CDRT4: variants seen among roughly 807,000 people sequenced by gnomAD.
CDRT4 encodes the protein CMT1A duplicated region transcript 4, also known as CMT1A duplicated region transcript 4 protein.
For missense variants in CDRT4, 167 were observed against 193.1 expected, an observed-to-expected ratio of 0.87 and a Z score of 0.80; for synonymous variants, 64 against 69.6, an observed-to-expected ratio of 0.92 and a Z score of 0.40.
chr17:15,467,058 C>T (rs77741348), intron 1 of CDRT4, among the ~76,000 whole-genome samples: 1,896 of 152,246 alleles, frequency 0.012, 44 homozygotes, highest in African/African-American at 0.043. Context: ...ACCCATCACC[C>T]CCAGGGGATG....
At chr17:15,444,931 A>C (rs1403886536) in intron 2 of CDRT4, among the ~76,000 whole-genome samples, 2 of 152,200 alleles carry the variant, frequency 1.3e-5, no homozygotes, top group South Asian at 2.1e-4. Context: ...CAGTGGCTTT[A>C]AAGTACAGAG....
chr17:15,465,252 AAC>A (rs756084774), intron 1 of CDRT4, among the ~76,000 whole-genome samples: 2 of 134,148 alleles, frequency 1.5e-5, no homozygotes, highest in Non-Finnish European at 3.1e-5. Flanking sequence ...GACACACACC[AAC>A]ACACACAACA....
At chr17:15,449,739 G>A (rs1979182430) in intron 2 of CDRT4, among the ~76,000 whole-genome samples, 1 of 151,998 alleles carries the variant, frequency 6.6e-6, no homozygotes, top group Non-Finnish European at 1.5e-5. Context: ...AGTCCACAGT[G>A]TCTGTTATCT....
chr17:15,454,938 C>T (rs887258268), intron 1 of CDRT4, among the ~76,000 whole-genome samples: 1 of 152,004 alleles, frequency 6.6e-6, no homozygotes, highest in Non-Finnish European at 1.5e-5. Flanking sequence ...GCTTTGTAAC[C>T]GTTAGCTTTT....
chr17:15,449,620 G>A (rs886375709), intron 2 of CDRT4, among the ~76,000 whole-genome samples: 4 of 152,008 alleles, frequency 2.6e-5, no homozygotes, highest in Non-Finnish European at 5.9e-5. Context: ...GGTATATCGT[G>A]TCATGGTGGG....
chr17:15,440,986 T>C (rs1340717166), intron 2 of CDRT4, among the ~76,000 whole-genome samples: 1 of 152,230 alleles, frequency 6.6e-6, no homozygotes, highest in Non-Finnish European at 1.5e-5. Flanking sequence ...TGGAGATTTG[T>C]AAGGTTATAT....
In CDRT4 at chr17:15,438,152, T is replaced by A; in HGVS notation, c.80A>T (p.Asp27Val). 6.2e-7 allele frequency: 1 copy of A among 1,614,026 alleles called. No homozygotes were observed. Among genetic ancestry groups the A allele is most frequent in the Non-Finnish European group, 8.5e-7 (1 of 1,179,988 alleles). ...ATAGGTGACATAGGCCGGCCAGGGG[T>A]CATGTTTTTCAAGTAGCTTCCGGGG... ...GLPRKLLEKH[D>V]PWPAYVTYTS... The change falls in exon 4 of 4, where the codon GAC becomes GTC. Residue 27 changes from aspartate (D) to valine (V), a missense_variant. Asp to Val is a radical substitution (Grantham distance 152, BLOSUM62 -3). Coordinates refer to ENST00000619038, the MANE Select transcript of CDRT4 (RefSeq NM_001204477.2).
intron 2 of CDRT4, among the ~76,000 whole-genome samples, chr17:15,442,375 A>T (rs1597457366): frequency 3.3e-5 from 5 of 150,968 alleles, no homozygotes; most frequent in Admixed American, 2.7e-4. Context: ...GTGCCACTGC[A>T]CTCCAGCCTG....
intron 2 of CDRT4, among the ~76,000 whole-genome samples, chr17:15,447,353 G>T (rs1979071801): frequency 6.6e-6 from 1 of 152,198 alleles, no homozygotes; most frequent in Admixed American, 6.5e-5. Context: ...AAGAGAAAAT[G>T]GTTATGCTGG....
At chr17:15,438,746 A>G (rs116119493) in intron 3 of CDRT4, among the ~76,000 whole-genome samples, 356 of 152,318 alleles carry the variant, frequency 2.3e-3, no homozygotes, top group African/African-American at 7.9e-3. Context: ...ATTAAAGATA[A>G]CTTATGTTAA....
intron 2 of CDRT4, among the ~76,000 whole-genome samples, chr17:15,444,883 C>T (rs1978947989): frequency 6.6e-6 from 1 of 152,186 alleles, no homozygotes; most frequent in Admixed American, 6.5e-5. Flanking sequence ...ACAACCACCA[C>T]CTGCCAATAC....
intron 1 of CDRT4, among the ~76,000 whole-genome samples, chr17:15,457,425 A>G (rs954572767): frequency 2.0e-5 from 3 of 152,210 alleles, no homozygotes; most frequent in African/African-American, 7.2e-5. Context: ...TGAGACCACA[A>G]CAAACCCTGC....
rs575088643 is a variant in CDRT4, at chr17:15,460,194, T to A, written c.-129-7109A>T. On this transcript the variant is annotated intron_variant, in intron 1 of 3. Coordinates refer to ENST00000619038, the MANE Select transcript of CDRT4 (RefSeq NM_001204477.2). Reference sequence around the variant, plus strand: ...CCTGACACCTCTCTCTCCCACCACATTCAAAACCTGCTTCCCCACTGGCCT... The same window carrying A: ...CCTGACACCTCTCTCTCCCACCACAATCAAAACCTGCTTCCCCACTGGCCT... Among the ~76,000 whole-genome samples, 4 of 152,270 alleles carry A rather than the reference T, an allele frequency of 2.6e-5. No homozygotes were observed. In the South Asian group the frequency reaches 8.3e-4, roughly 32 times the overall value.
At chr17:15,466,387 C>A (rs1980044307) in intron 1 of CDRT4, among the ~76,000 whole-genome samples, 1 of 152,216 alleles carries the variant, frequency 6.6e-6, no homozygotes, top group South Asian at 2.1e-4. Context: ...GAAGGGCTGC[C>A]TCATCTGCAG....
intron 2 of CDRT4, chr17:15,444,069 C>T (rs1978903855): frequency 2.9e-6 from 3 of 1,021,224 alleles, no homozygotes; most frequent in African/African-American, 1.5e-5. Context: ...CAACATTGAG[C>T]TTGTTTCAAA....
Position 15,437,508 on chromosome 17 carries a change from G to C in CDRT4, c.*265C>G. 3 of 514,300 alleles carry C rather than the reference G, an allele frequency of 5.8e-6. No individual in the cohort carries two copies. The highest frequency in any genetic ancestry group is 5.8e-5 in the South Asian group (2 of 34,766). 31.9% of individuals were successfully genotyped at this position (514,300 alleles called of 1,614,324 possible). A position where few individuals can be genotyped will look rare whatever the true frequency, so the allele number is the denominator to read the frequency against. The stretch of plus-strand genomic sequence containing the variant: ...GACCCAGACAAATCACCCACATTTT[G>C]GTCCTGAGAATCTGCAGCAGAGACT... On this transcript the variant is annotated 3_prime_UTR_variant, in exon 4 of 4. Transcript: ENST00000619038.
At chr17:15,466,963 T>C (rs1488015367) in intron 1 of CDRT4, among the ~76,000 whole-genome samples, 1 of 152,230 alleles carries the variant, frequency 6.6e-6, no homozygotes, top group Non-Finnish European at 1.5e-5. Flanking sequence ...TAAAGGTATT[T>C]ACCAGTTCTG....
chr17:15,466,586 A>G (rs1423816714), intron 1 of CDRT4, among the ~76,000 whole-genome samples: 2 of 152,102 alleles, frequency 1.3e-5, no homozygotes, highest in Non-Finnish European at 2.9e-5. Context: ...GTGCAGTGGC[A>G]CGATCATGGC....
chr17:15,461,368 A>C (rs933781216), intron 1 of CDRT4, among the ~76,000 whole-genome samples: 1 of 152,202 alleles, frequency 6.6e-6, no homozygotes, highest in Non-Finnish European at 1.5e-5. Flanking sequence ...GGGCTGCCAC[A>C]AGGACAGGAG....
Sources: gnomAD v4.1 joint callset for allele counts (sites outside exome capture counted in the v4.1 genomes callset) on GRCh38, gnomAD v4.1.1 for gene constraint, MANE v1.5 for transcripts, NCBI Gene and HGNC (gene_info 2026-07-23, HGNC 2026-07-21) for gene names.